Variants in WBP4 observed in about 807,000 individuals in gnomAD.
WBP4 encodes WW domain-binding protein 4.
Under a neutral mutation model 55.4 loss-of-function variants are expected in WBP4, and 37 were observed. That is an observed-to-expected ratio of 0.67 (90% CI 0.51 to 0.88). The LOEUF (loss-of-function observed/expected upper bound fraction) is 0.88. Among genes scored for constraint, WBP4 ranks in the 40% least tolerant of loss-of-function variants. The probability of loss-of-function intolerance (pLI) is 0.00; values close to 1 mark genes in which losing one functional copy is unlikely to be tolerated. For missense variants in WBP4, 398 were observed against 420.8 expected (o/e 0.95, Z 0.47); for synonymous variants, 142 against 140.2 (o/e 1.01, Z -0.09).
Position 41,083,081 on chromosome 13 carries a change from G to A in WBP4, c.*167G>A, listed in dbSNP as rs1218739387. The A allele has an allele frequency of 2.7e-6, 2 of 740,912 alleles. No individual in the cohort carries two copies. Among genetic ancestry groups the A allele is most frequent in the Non-Finnish European group, 4.2e-6 (2 of 479,500 alleles). 45.9% of individuals were successfully genotyped at this position (740,912 alleles called of 1,614,324 possible). ...ATTTTTTCATGTGAAATTTATTTTG[G>A]TTCCTAAAATGGAAGCCTACCACAT... is the stretch of plus-strand genomic sequence containing the variant. On this transcript the variant is annotated 3_prime_UTR_variant, in exon 10 of 10. Coordinates refer to ENST00000379487, the MANE Select transcript of WBP4 (RefSeq NM_007187.5).
intron 8 of WBP4, among the ~76,000 whole-genome samples, chr13:41,077,491 C>CA (rs906898131): frequency 5.1e-4 from 74 of 144,030 alleles, no homozygotes; most frequent in African/African-American, 1.1e-3. Flanking sequence ...GACTCTGTCT[C>CA]AAAAAAAAAA....
intron 7 of WBP4, among the ~76,000 whole-genome samples, chr13:41,074,330 T>G (rs1343219651): frequency 6.6e-6 from 1 of 152,178 alleles, no homozygotes; most frequent in African/African-American, 2.4e-5. Context: ...AGAGGCTTGT[T>G]TTTGTTTTTT....
intron 7 of WBP4, among the ~76,000 whole-genome samples, chr13:41,073,062 AAT>A (rs778130076): frequency 4.6e-5 from 7 of 152,342 alleles, no homozygotes; most frequent in Non-Finnish European, 1.0e-4. Context: ...GCTGTTCACC[AAT>A]GTTATTCTCA....
chr13:41,077,637 C>T (rs1878560013), intron 8 of WBP4, among the ~76,000 whole-genome samples: 1 of 152,146 alleles, frequency 6.6e-6, no homozygotes, highest in South Asian at 2.1e-4. Context: ...CTAGCCTGAG[C>T]AGTCAGGCAA....
At chr13:41,074,641 A>G (rs1435115163) in intron 7 of WBP4, among the ~76,000 whole-genome samples, 2 of 152,220 alleles carry the variant, frequency 1.3e-5, no homozygotes, top group Non-Finnish European at 2.9e-5. Context: ...CTGTAAGGTC[A>G]TGAATGTCAT....
At chr13:41,079,736 C>G (rs1476053110) in intron 8 of WBP4, among the ~76,000 whole-genome samples, 1 of 152,104 alleles carries the variant, frequency 6.6e-6, no homozygotes, top group African/African-American at 2.4e-5. Flanking sequence ...GAAAAGAAAT[C>G]ATTAAACAGA....
In WBP4 at chr13:41,082,704, T is replaced by G; in HGVS notation, c.921T>G (p.His307Gln). Residue 307 changes from histidine (H) to glutamine (Q), a missense_variant and splice_region_variant, in exon 10 of 10, where the codon CAT (histidine) becomes CAG (glutamine). Physicochemically the swap from His to Gln is conservative, Grantham distance 24. Transcript: ENST00000379487. ...AGTTTTACTTTAACTCTATTTCCAGTGAGGAGGTAGATTTGGAACTTCCAA... is the reference window on the plus strand; with the variant it reads ...AGTTTTACTTTAACTCTATTTCCAGGGAGGAGGTAGATTTGGAACTTCCAA... ...WQEIKQEVES[H>Q]EEVDLELPST... 2 of 1,613,590 alleles carry G rather than the reference T, an allele frequency of 1.2e-6. No homozygotes were observed. Among genetic ancestry groups the G allele is most frequent in the Non-Finnish European group, 1.7e-6 (2 of 1,179,832 alleles).
At chr13:41,075,949 G>A in intron 7 of WBP4, 95 bp from the exon 8 acceptor site, 1 of 1,284,236 alleles carries the variant, frequency 7.8e-7, no homozygotes, top group Non-Finnish European at 1.1e-6. Flanking sequence ...ATACAGTATT[G>A]TCATTTAATA....
chr13:41,068,356 G>A (rs1202824224), intron 4 of WBP4, among the ~76,000 whole-genome samples: 1 of 151,878 alleles, frequency 6.6e-6, no homozygotes, highest in Non-Finnish European at 1.5e-5. Context: ...TTTAACACCT[G>A]GTAGAACTAA....
intron 2 of WBP4, 76 bp from the exon 3 acceptor site, chr13:41,064,940 G>T: frequency 1.5e-6 from 2 of 1,301,450 alleles, no homozygotes; most frequent in South Asian, 1.6e-5. Context: ...TCATGTTTAT[G>T]AGAAAATTAT....
chr13:41,078,458 G>A (rs916832515), intron 8 of WBP4, among the ~76,000 whole-genome samples: 1 of 152,126 alleles, frequency 6.6e-6, no homozygotes, highest in African/African-American at 2.4e-5. Context: ...AATGAAACTG[G>A]ACCCCTACCT....
At chr13:41,068,773 T>C in intron 5 of WBP4, 36 bp downstream of exon 5, 1 of 1,516,708 alleles carries the variant, frequency 6.6e-7, no homozygotes, top group Non-Finnish European at 8.8e-7. Flanking sequence ...TAAAGAACAG[T>C]GTCACTAGTA....
chr13:41,064,181 A>G (rs920041831), intron 2 of WBP4, among the ~76,000 whole-genome samples: 6 of 151,956 alleles, frequency 3.9e-5, no homozygotes, highest in African/African-American at 1.2e-4. Flanking sequence ...ATTCTGCACT[A>G]GTTTTAAAAA....
intron 6 of WBP4, 36 bp downstream of exon 6, chr13:41,071,609 T>A: frequency 6.4e-7 from 1 of 1,554,342 alleles, no homozygotes. Flanking sequence ...TTTGTTTTAT[T>A]CTTTACAGTG....
In WBP4 at chr13:41,083,385, A is replaced by G. The variant is rs1593437004; in HGVS notation, c.*471A>G. On this transcript the variant is annotated 3_prime_UTR_variant, in exon 10 of 10. Transcript: ENST00000379487. ...GTGAGAAAGCTGATGTAAAAAATGTATGCATATTGGCTTACCTTACTCAAT... is the reference window on the plus strand; with the variant it reads ...GTGAGAAAGCTGATGTAAAAAATGTGTGCATATTGGCTTACCTTACTCAAT... The G allele has an allele frequency of 6.1e-6, 1 of 162,804 alleles. No individual in the cohort carries two copies. The highest frequency in any genetic ancestry group is 1.8e-4 in the East Asian group (1 of 5,704). The allele number at this position is 162,804 out of a possible 1,614,324, so 10.1% of individuals were successfully genotyped here.
intron 8 of WBP4, among the ~76,000 whole-genome samples, chr13:41,076,728 C>T (rs952846015): frequency 6.6e-6 from 1 of 152,116 alleles, no homozygotes; most frequent in Non-Finnish European, 1.5e-5. Flanking sequence ...TAGCATTGAG[C>T]AATGGTTGCG....
At chr13:41,062,087 A>AG in intron 1 of WBP4, 1 of 731,476 alleles carries the variant, frequency 1.4e-6, no homozygotes, top group African/African-American at 2.2e-5. Context: ...AGCCCTGGAT[A>AG]GCGTAATGGT....
At chr13:41,079,567 A>C (rs1315771704) in intron 8 of WBP4, among the ~76,000 whole-genome samples, 1 of 151,688 alleles carries the variant, frequency 6.6e-6, no homozygotes, top group African/African-American at 2.4e-5. Context: ...AAAAAATCAG[A>C]AAACAACAGA....
intron 4 of WBP4, 42 bp downstream of exon 4, chr13:41,065,329 A>C (rs778712756): frequency 1.3e-6 from 2 of 1,534,002 alleles, no homozygotes; most frequent in Non-Finnish European, 1.7e-6. Context: ...CATGTTTTAA[A>C]AGTAACATCA....
Sources: allele counts gnomAD v4.1 joint callset (sites outside exome capture counted in the v4.1 genomes callset), GRCh38; gene constraint gnomAD v4.1.1; transcripts MANE v1.5; gene names NCBI Gene and HGNC (gene_info 2026-07-23, HGNC 2026-07-21).